The following IPO13 variants were observed in gnomAD, a reference collection of about 807,000 sequenced individuals.
IPO13 encodes the protein importin 13, also known as importin-13.
Under a neutral mutation model 115.5 loss-of-function variants are expected in IPO13, and 28 were observed. The ratio of observed to expected loss-of-function variants is 0.24; its 90% CI spans 0.18 to 0.33. The LOEUF (loss-of-function observed/expected upper bound fraction) is 0.33. Among genes scored for constraint, IPO13 ranks in the 10% least tolerant of loss-of-function variants. IPO13 has a pLI of 1.00. For missense variants in IPO13, 785 were observed against 1,204.6 expected, an observed-to-expected ratio of 0.65 and a Z score of 5.16; for synonymous variants, 414 against 478.9, an observed-to-expected ratio of 0.86 and a Z score of 1.77.
At position 43,950,059 on chromosome 1, in the gene IPO13, A is replaced by G. The variant is rs2085196645; in HGVS notation, c.727A>G (p.Ile243Val). The G allele has an allele frequency of 6.2e-7, 1 of 1,613,902 alleles. No homozygotes were observed. Among genetic ancestry groups the G allele is most frequent in the Non-Finnish European group, 8.5e-7 (1 of 1,179,988 alleles). Reference sequence around the variant, plus strand: ...GCCGCTGCAGGACTGTGAGGCGCTCATTCAGGCTGCCTTTGCTGCTCTGCA... The same window carrying G: ...GCCGCTGCAGGACTGTGAGGCGCTCGTTCAGGCTGCCTTTGCTGCTCTGCA... ...EVPLQDCEAL[I>V]QAAFAALQDS... Residue 243 changes from isoleucine (I) to valine (V), a missense_variant, in exon 2 of 20, where the codon ATT becomes GTT. Transcript: ENST00000372343.
chr1:43,958,161 A>G lies in IPO13; in HGVS notation c.1722+3A>G. 2 of 1,614,104 alleles carry G rather than the reference A, an allele frequency of 1.2e-6. No homozygotes were observed. The highest frequency in any genetic ancestry group is 1.7e-6 in the Non-Finnish European group (2 of 1,180,004). ...CCAACATTGTGGCTGTGTCCCAGGT[A>G]TGCAGGGGCCCTGGATGGTGCTGGG... is the stretch of plus-strand genomic sequence containing the variant. On this transcript the variant is annotated splice_donor_region_variant and intron_variant, in intron 8 of 19. Coordinates refer to ENST00000372343, the MANE Select transcript of IPO13 (RefSeq NM_014652.4). This position sits in a 1 kb window ranked among gnomAD's most constrained non-coding sequence, Gnocchi z 6.3.
chr1:43,956,201 T>G lies in IPO13; in HGVS notation c.822-119T>G. The G allele has an allele frequency of 8.6e-7, 1 of 1,167,710 alleles. No individual in the cohort carries two copies. Among genetic ancestry groups the G allele is most frequent in the Non-Finnish European group, 1.2e-6 (1 of 832,920 alleles). 72.3% of individuals were successfully genotyped at this position (1,167,710 alleles called of 1,614,324 possible). On this transcript the variant is annotated intron_variant, in intron 2 of 19. Transcript: ENST00000372343. The surrounding 1 kb of genome is among the most constrained non-coding windows in gnomAD (Gnocchi z 4.7). ...TGTAGACCCTGACCCTTTTTTTGCT[T>G]AGGATTTGATAAGGGAAGGGGAGCT...
chr1:43,962,973 C>G (rs886957700), intron 14 of IPO13, among the ~76,000 whole-genome samples: 1 of 152,216 alleles, frequency 6.6e-6, no homozygotes, highest in South Asian at 2.1e-4. Context: ...GCCCTTGGAA[C>G]CTTTCCTTCT....
intron 13 of IPO13, 48 bp downstream of exon 13, chr1:43,961,061 G>T (rs1395038941): frequency 6.2e-7 from 1 of 1,611,962 alleles, no homozygotes; most frequent in South Asian, 1.1e-5. Context: ...GTGGGGGTGG[G>T]TCAGATGGCT....
chr1:43,967,343 T>C lies in IPO13; in HGVS notation c.2642T>C (p.Leu881Pro). 3.1e-6 allele frequency: 5 copies of C among 1,614,068 alleles called. No homozygotes were observed. Among genetic ancestry groups the C allele is most frequent in the Non-Finnish European group, 4.2e-6 (5 of 1,179,984 alleles). The change falls in exon 19 of 20, where the codon CTC becomes CCC. Residue 881 changes from leucine (L) to proline (P), a missense_variant. By Grantham distance (98) the Leu-to-Pro change is moderately conservative (BLOSUM62 -3). Around this residue, in one of 3 missense-constraint regions of IPO13, gnomAD observed 285 missense variants for 394.8 expected, o/e 0.72. Transcript: ENST00000372343. This position sits in a 1 kb window ranked among gnomAD's most constrained non-coding sequence, Gnocchi z 6.1. ...EAIGGQASRS[L>P]MDCFADILFA... The stretch of plus-strand genomic sequence containing the variant: ...ATTGGGGGCCAGGCCTCCCGCAGCC[T>C]CATGGACTGCTTTGCCGATATCCTG...
Position 43,956,475 on chromosome 1 carries a change from A to G in IPO13, c.962+15A>G. On this transcript the variant is annotated intron_variant, in intron 3 of 19. Transcript: ENST00000372343. This position sits in a 1 kb window ranked among gnomAD's most constrained non-coding sequence, Gnocchi z 4.7. Reference sequence around the variant, plus strand: ...AACCACTCCCGGTAAAGGGTGGAGCAGCTTGGGGTGGGATAGTAGGGCCCT... The same window carrying G: ...AACCACTCCCGGTAAAGGGTGGAGCGGCTTGGGGTGGGATAGTAGGGCCCT... 6.2e-7 allele frequency: 1 copy of G among 1,614,154 alleles called. No individual in the cohort carries two copies. Among genetic ancestry groups the G allele is most frequent in the South Asian group, 1.1e-5 (1 of 91,080 alleles).
rs371001281 is a variant in IPO13, at chr1:43,956,279, A to G, written c.822-41A>G. Reference sequence around the variant, plus strand: ...TTCTCTTAAAGCCAGTGTGGGGTTGAGCAGAGAGCTCTGATGGATTTTCTC... The same window carrying G: ...TTCTCTTAAAGCCAGTGTGGGGTTGGGCAGAGAGCTCTGATGGATTTTCTC... On this transcript the variant is annotated intron_variant, in intron 2 of 19. Coordinates refer to ENST00000372343, the MANE Select transcript of IPO13 (RefSeq NM_014652.4). The surrounding 1 kb of genome is among the most constrained non-coding windows in gnomAD (Gnocchi z 4.7). 3 of 1,610,790 alleles carry G rather than the reference A, an allele frequency of 1.9e-6. No individual in the cohort carries two copies. In the African/African-American group the frequency reaches 4.0e-5, roughly 22 times the overall value.
chr1:43,950,721 TCA>T lies in IPO13; in HGVS notation c.821+573_821+574del, dbSNP rs577687019. ...GCTACTCTCCTTGCTCTCTACACGC[TCA>T]CACAGTTTCTTTAATTCCTTGAATG... On this transcript the variant is annotated intron_variant, in intron 2 of 19. Transcript: ENST00000372343. Among the ~76,000 whole-genome samples, 4 of 152,248 alleles carry T rather than the reference TCA, an allele frequency of 2.6e-5. No individual in the cohort carries two copies. In the South Asian group the frequency reaches 6.2e-4, roughly 24 times the overall value.
chr1:43,956,350 G>A lies in IPO13; in HGVS notation c.852G>A (p.Pro284=), dbSNP rs780833962. Reference sequence around the variant, plus strand: ...TGAACACACTCCTGAAACTCATCCCGCTGGTGCTGGGTCTGCAGGAACAAC... The same window carrying A: ...TGAACACACTCCTGAAACTCATCCCACTGGTGCTGGGTCTGCAGGAACAAC... The part of the protein sequence containing the change: ...RYVNTLLKLI[P]LVLGLQEQLR... Residue 284 remains proline (P), a synonymous_variant, in exon 3 of 20, where the codon CCG becomes CCA. Transcript: ENST00000372343. This position sits in a 1 kb window ranked among gnomAD's most constrained non-coding sequence, Gnocchi z 4.7. 13 of 1,614,136 alleles carry A rather than the reference G, an allele frequency of 8.1e-6. No homozygotes were observed. Among genetic ancestry groups the A allele is most frequent in the East Asian group, 6.7e-5 (3 of 44,880 alleles).
In IPO13 at chr1:43,949,398, G is replaced by A; in HGVS notation, c.85-19G>A. On this transcript the variant is annotated intron_variant, in intron 1 of 19. Transcript: ENST00000372343. ...ATCCAGAGTGGCCAGCACCTGCTCA[G>A]TCCTGTGCTGTCCTGCAGGCGCTGC... The A allele has an allele frequency of 1.9e-6, 3 of 1,577,408 alleles. No individual in the cohort carries two copies. The highest frequency in any genetic ancestry group is 2.6e-6 in the Non-Finnish European group (3 of 1,161,298).
rs371570505 is a variant in IPO13, at chr1:43,966,576, C to T, written c.2399C>T (p.Ala800Val). Reference sequence around the variant, plus strand: ...GCTTACCAGCTCCACCTCCTGCAGGCTCTGAAGCGGAAGCCAGATTTGTTC... The same window carrying T: ...GCTTACCAGCTCCACCTCCTGCAGGTTCTGAAGCGGAAGCCAGATTTGTTC... Reference protein sequence around the residue: ...VDSFMQLLAQALKRKPDLFLC... With the variant: ...VDSFMQLLAQVLKRKPDLFLC... The change falls in exon 16 of 20, where the codon GCT (alanine) becomes GTT (valine). Residue 800 changes from alanine (A) to valine (V), a missense_variant and splice_region_variant. By Grantham distance (64) the Ala-to-Val change is moderately conservative. Around this residue, in one of 3 missense-constraint regions of IPO13, gnomAD observed 285 missense variants for 394.8 expected, o/e 0.72. Transcript: ENST00000372343. The surrounding 1 kb of genome is among the most constrained non-coding windows in gnomAD (Gnocchi z 4.1). 14 of 1,614,040 alleles carry T rather than the reference C, an allele frequency of 8.7e-6. No homozygotes were observed. The highest frequency in any genetic ancestry group is 1.1e-5 in the Non-Finnish European group (13 of 1,179,978).
In IPO13 at chr1:43,967,337, G is replaced by A. The variant is rs147658570; in HGVS notation, c.2636G>A (p.Arg879His). Residue 879 changes from arginine (R) to histidine (H), a missense_variant, in exon 19 of 20, where the codon CGC (arginine) becomes CAC (histidine). Arg to His is a conservative substitution (Grantham distance 29). Transcript: ENST00000372343. The surrounding 1 kb of genome is among the most constrained non-coding windows in gnomAD (Gnocchi z 6.1). ...CAGGCCATTGGGGGCCAGGCCTCCC[G>A]CAGCCTCATGGACTGCTTTGCCGAT... ...VLEAIGGQAS[R>H]SLMDCFADIL... 10 of 1,613,466 alleles carry A rather than the reference G, an allele frequency of 6.2e-6. No individual in the cohort carries two copies. In the Admixed American group the frequency reaches 6.7e-5, roughly 11 times the overall value.
Position 43,956,763 on chromosome 1 carries a change from C to T in IPO13, c.1105-47C>T, listed in dbSNP as rs1331050505. Reference sequence around the variant, plus strand: ...GTGGAAGAAGGTGGATCATGGGCTTCTATGACTGCTGGTGAGGTGGCTAAT... The same window carrying T: ...GTGGAAGAAGGTGGATCATGGGCTTTTATGACTGCTGGTGAGGTGGCTAAT... On this transcript the variant is annotated intron_variant, in intron 4 of 19. Transcript: ENST00000372343. This position sits in a 1 kb window ranked among gnomAD's most constrained non-coding sequence, Gnocchi z 4.7. 3 of 1,613,538 alleles carry T rather than the reference C, an allele frequency of 1.9e-6. No homozygotes were observed. The highest frequency in any genetic ancestry group is 1.7e-5 in the Admixed American group (1 of 59,988).
rs1392584333 is a variant in IPO13 at position 43,957,335 on chromosome 1, C to G, written c.1392+20C>G. On this transcript the variant is annotated intron_variant, in intron 6 of 19. Coordinates refer to ENST00000372343, the MANE Select transcript of IPO13 (RefSeq NM_014652.4). ...TGGCAGGTACCTCCCAAGCCTGATT[C>G]CCTCAGCCTTCCCAGACCTGTCACA... 4 of 1,613,258 alleles carry G rather than the reference C, an allele frequency of 2.5e-6. No individual in the cohort carries two copies. The highest frequency in any genetic ancestry group is 1.3e-5 in the African/African-American group (1 of 74,866).
chr1:43,957,143 G>T lies in IPO13; in HGVS notation c.1272-52G>T, dbSNP rs2085256488. 1.9e-6 allele frequency: 3 copies of T among 1,596,286 alleles called. No homozygotes were observed. The Admixed American group carries it at 5.1e-5, about 27-fold the overall frequency. Reference sequence around the variant, plus strand: ...GGGTAGGCTCCTGGGCTTGGGGGCAGGATCCAGGGTCAGGATCCAGGCAGT... The same window carrying T: ...GGGTAGGCTCCTGGGCTTGGGGGCATGATCCAGGGTCAGGATCCAGGCAGT... On this transcript the variant is annotated intron_variant, in intron 5 of 19. Coordinates refer to ENST00000372343, the MANE Select transcript of IPO13 (RefSeq NM_014652.4).
intron 14 of IPO13, 101 bp downstream of exon 14, chr1:43,961,363 T>C (rs1380600450): frequency 6.5e-6 from 6 of 929,316 alleles, no homozygotes; most frequent in Non-Finnish European, 5.4e-6. Context: ...CTCTGTCCCC[T>C]GAGTCACACG....
chr1:43,957,593 G>A, intron 7 of IPO13, 44 bp downstream of exon 7: 2 of 1,608,082 alleles, frequency 1.2e-6, no homozygotes, highest in East Asian at 2.2e-5. Flanking sequence ...CAGAGCCACA[G>A]CACCCAACCC....
chr1:43,952,220 T>A lies in IPO13; in HGVS notation c.821+2067T>A, dbSNP rs559079548. Among the ~76,000 whole-genome samples, 1 of 152,256 alleles carries A rather than the reference T, an allele frequency of 6.6e-6. No homozygotes were observed. The highest frequency in any genetic ancestry group is 1.9e-4 in the East Asian group (1 of 5,182). ...AGTCTCACTCTGTCACCCAGGCTGG[T>A]GTGCAGTGGCACAATCTCGGCTCAC... On this transcript the variant is annotated intron_variant, in intron 2 of 19. Coordinates refer to ENST00000372343, the MANE Select transcript of IPO13 (RefSeq NM_014652.4). This position sits in a 1 kb window ranked among gnomAD's most constrained non-coding sequence, Gnocchi z 4.7.
chr1:43,952,680 C>G lies in IPO13; in HGVS notation c.821+2527C>G, dbSNP rs545428016. ...TTTATATGTATATGATACACACACA[C>G]ACATAGATAATGTGCTTAATCACTG... On this transcript the variant is annotated intron_variant, in intron 2 of 19. Transcript: ENST00000372343. This position sits in a 1 kb window ranked among gnomAD's most constrained non-coding sequence, Gnocchi z 4.7. 1.3e-5 allele frequency among the ~76,000 whole-genome samples: 2 copies of G among 152,198 alleles called. No homozygotes were observed. Among genetic ancestry groups the G allele is most frequent in the African/African-American group, 4.8e-5 (2 of 41,510 alleles).
Sources: gnomAD v4.1 joint callset for allele counts (sites outside exome capture counted in the v4.1 genomes callset) on GRCh38, gnomAD v4.1.1 for gene constraint, gnomAD v4.1.1 regional missense constraint, Gnocchi (gnomAD v3.1) non-coding constraint, MANE v1.5 for transcripts, NCBI Gene and HGNC (gene_info 2026-07-23, HGNC 2026-07-21) for gene names.